The following FAF1 variants were observed in gnomAD, a reference collection of about 807,000 sequenced individuals.
FAF1 encodes the protein Fas associated factor 1, also known as FAS-associated factor 1.
FAF1 carries 25 observed loss-of-function variants against 92.5 expected under a neutral mutation model. The observed-to-expected ratio is 0.27, with a 90% CI of 0.20 to 0.38. The LOEUF (loss-of-function observed/expected upper bound fraction) is 0.38. Ranked by LOEUF, FAF1 falls within the 10% of genes least tolerant of loss-of-function variation. FAF1 has a pLI of 1.00. For missense variants in FAF1, 636 were observed against 793.3 expected (o/e 0.80, Z 2.38); for synonymous variants, 234 against 273.2 (o/e 0.86, Z 1.42).
intron 2 of FAF1, among the ~76,000 whole-genome samples, chr1:50,827,036 G>T (rs1382840965): frequency 2.3e-5 from 3 of 129,548 alleles, no homozygotes; most frequent in Admixed American, 7.6e-5. Context: ...CCGTCTGGGA[G>T]GTGAGGAGCG....
intron 8 of FAF1, among the ~76,000 whole-genome samples, chr1:50,633,185 A>G (rs1002474074): frequency 1.3e-5 from 2 of 152,220 alleles, no homozygotes; most frequent in Non-Finnish European, 2.9e-5. Context: ...AGGGTTCACA[A>G]GCAATTTAGA....
intron 7 of FAF1, among the ~76,000 whole-genome samples, chr1:50,702,707 C>T (rs2124418443): frequency 6.6e-6 from 1 of 152,190 alleles, no homozygotes; most frequent in African/African-American, 2.4e-5. Flanking sequence ...ACCTAAAGGA[C>T]ACAAGTCACG....
At chr1:50,520,252 C>T (rs1015479240) in intron 15 of FAF1, among the ~76,000 whole-genome samples, 2 of 152,104 alleles carry the variant, frequency 1.3e-5, no homozygotes, top group South Asian at 2.1e-4. Flanking sequence ...AGGGTCAAGG[C>T]AAATCTGTAA....
intron 9 of FAF1, among the ~76,000 whole-genome samples, chr1:50,588,635 C>CT (rs1416297852): frequency 6.6e-6 from 1 of 152,098 alleles, no homozygotes. Flanking sequence ...AGGGGGGACA[C>CT]TGAGTCTTGT....
chr1:50,646,102 T>A (rs1185073983), intron 8 of FAF1, among the ~76,000 whole-genome samples: 2 of 152,216 alleles, frequency 1.3e-5, no homozygotes, highest in South Asian at 4.1e-4. Flanking sequence ...AGTGTGTTAA[T>A]ATCATCTCCA....
At chr1:50,817,069 G>A (rs1219853495) in intron 2 of FAF1, among the ~76,000 whole-genome samples, 1 of 152,236 alleles carries the variant, frequency 6.6e-6, no homozygotes, top group African/African-American at 2.4e-5. Context: ...GTACCATGGC[G>A]TTACGGTTAC....
At chr1:50,954,729 G>C (rs1195147569) in intron 1 of FAF1, among the ~76,000 whole-genome samples, 1 of 151,914 alleles carries the variant, frequency 6.6e-6, no homozygotes, top group East Asian at 1.9e-4. Context: ...TTTTAGTAGA[G>C]GCAGGGTTCC....
intron 15 of FAF1, among the ~76,000 whole-genome samples, chr1:50,531,027 G>T (rs1354979888): frequency 6.6e-6 from 1 of 152,200 alleles, no homozygotes; most frequent in Non-Finnish European, 1.5e-5. Flanking sequence ...CAAAAAGGCT[G>T]CTGTGAGGTA....
At chr1:50,846,544 A>G in intron 2 of FAF1, 1 of 510,792 alleles carries the variant, frequency 2.0e-6, no homozygotes, top group East Asian at 5.2e-5. Flanking sequence ...AACATACGAT[A>G]GAGGTTCTGA....
At chr1:50,890,962 C>T (rs1045812057) in intron 1 of FAF1, among the ~76,000 whole-genome samples, 1 of 152,224 alleles carries the variant, frequency 6.6e-6, no homozygotes, top group African/African-American at 2.4e-5. Context: ...TGTTTTCCAA[C>T]TTGGTTCCAT....
intron 12 of FAF1, among the ~76,000 whole-genome samples, chr1:50,581,739 G>A (rs1650994687): frequency 6.6e-6 from 1 of 152,162 alleles, no homozygotes; most frequent in Admixed American, 6.6e-5. Flanking sequence ...AGTCATCCAG[G>A]TAAAGAGCAG....
At chr1:50,506,010 A>C (rs1647053708) in intron 15 of FAF1, among the ~76,000 whole-genome samples, 1 of 152,236 alleles carries the variant, frequency 6.6e-6, no homozygotes, top group Non-Finnish European at 1.5e-5. Context: ...TTAAAGTCAA[A>C]GGTCTCAGAG....
intron 7 of FAF1, among the ~76,000 whole-genome samples, chr1:50,675,639 C>A (rs1046312421): frequency 3.3e-5 from 5 of 152,148 alleles, no homozygotes; most frequent in Non-Finnish European, 7.4e-5. Context: ...AACCAGTGCA[C>A]ATTTAAAACA....
rs1321341630 is a variant in FAF1, at chr1:50,439,078, G to C, written c.*2362C>G. The C allele has an allele frequency of 2.0e-5, 3 of 152,220 alleles. No homozygotes were observed. The highest frequency in any genetic ancestry group is 4.4e-5 in the Non-Finnish European group (3 of 68,058). 9.4% of individuals were successfully genotyped at this position (152,220 alleles called of 1,614,324 possible). A position where few individuals can be genotyped will look rare whatever the true frequency, so the allele number is the denominator to read the frequency against. Reference sequence around the variant, plus strand: ...GAATGGGGGATGACAAAGAGTCCTGGAGCTTCACTGTCAACAGTTGGGCAT... The same window carrying C: ...GAATGGGGGATGACAAAGAGTCCTGCAGCTTCACTGTCAACAGTTGGGCAT... On this transcript the variant is annotated 3_prime_UTR_variant, in exon 19 of 19. Transcript: ENST00000396153.
intron 15 of FAF1, among the ~76,000 whole-genome samples, chr1:50,512,900 T>C (rs1647155480): frequency 1.3e-5 from 2 of 152,224 alleles, no homozygotes; most frequent in East Asian, 3.8e-4. Context: ...ACTGTCTATC[T>C]ATTGATTTGG....
At chr1:50,818,749 C>T (rs548446478) in intron 2 of FAF1, among the ~76,000 whole-genome samples, 43 of 151,864 alleles carry the variant, frequency 2.8e-4, no homozygotes, top group Non-Finnish European at 4.9e-4. Context: ...ATCTTGGAGG[C>T]CAGGCGGGGG....
At chr1:50,611,597 A>G (rs545625453) in intron 8 of FAF1, among the ~76,000 whole-genome samples, 5 of 152,348 alleles carry the variant, frequency 3.3e-5, no homozygotes, top group Non-Finnish European at 7.4e-5. Context: ...TCAAGGAAAC[A>G]TGAGATGATG....
chr1:50,894,641 A>C (rs1219344758), intron 1 of FAF1, among the ~76,000 whole-genome samples: 1 of 148,754 alleles, frequency 6.7e-6, no homozygotes, highest in Non-Finnish European at 1.5e-5. Flanking sequence ...TAAGACACTA[A>C]AAAAAAAAAA....
Position 50,931,743 on chromosome 1 carries a change from G to A in FAF1, c.45+28024C>T, listed in dbSNP as rs188884285. 3.5e-3 allele frequency among the ~76,000 whole-genome samples: 533 copies of A among 152,048 alleles called. 1 individual carries two copies. The highest frequency in any genetic ancestry group is 6.4e-3 in the Non-Finnish European group (432 of 67,972). On this transcript the variant is annotated intron_variant, in intron 1 of 18. Coordinates refer to ENST00000396153, the MANE Select transcript of FAF1 (RefSeq NM_007051.3). ...AACAAAAAAATTAGCCAGGCATAGA[G>A]GCAGGCGCCTGTAGTCCCAGCTACT...
Sources: allele counts gnomAD v4.1 joint callset (sites outside exome capture counted in the v4.1 genomes callset), GRCh38; gene constraint gnomAD v4.1.1; transcripts MANE v1.5; gene names NCBI Gene and HGNC (gene_info 2026-07-23, HGNC 2026-07-21).